The following CLSTN2 variants were observed in gnomAD, a reference collection of about 807,000 sequenced individuals.
CLSTN2 encodes the protein calsyntenin 2, also known as calsyntenin-2.
Under a neutral mutation model 101.2 loss-of-function variants are expected in CLSTN2, and 48 were observed. That is an observed-to-expected ratio of 0.47 (90% CI 0.38 to 0.60). The LOEUF (loss-of-function observed/expected upper bound fraction) is 0.60, where lower values mean the gene tolerates loss of function less well. CLSTN2 is among the 20% of genes least tolerant of loss of function. CLSTN2 has a pLI of 0.00. For missense variants in CLSTN2, 1,160 were observed against 1,238.2 expected (o/e 0.94, Z 0.95); for synonymous variants, 481 against 463.6 (o/e 1.04, Z -0.48).
chr3:140,211,858 C>G (rs2010860179), intron 2 of CLSTN2, among the ~76,000 whole-genome samples: 1 of 152,082 alleles, frequency 6.6e-6, no homozygotes, highest in Non-Finnish European at 1.5e-5. Flanking sequence ...TGCTTTTGGG[C>G]TTCCAAGGGC....
rs150241382 is a variant in CLSTN2, at chr3:140,210,950, A to G, written c.232+34877A>G. Among the ~76,000 whole-genome samples, 735 of 152,280 alleles carry G rather than the reference A, an allele frequency of 4.8e-3. 4 individuals carry two copies. The highest frequency in any genetic ancestry group is 0.016 in the African/African-American group (683 of 41,552). The stretch of plus-strand genomic sequence containing the variant: ...CGATTCATAGTTCCCCCTCTTCACC[A>G]GCAAGTATTCCATCAACAGTGCACA... On this transcript the variant is annotated intron_variant, in intron 2 of 16. Transcript: ENST00000458420.
intron 2 of CLSTN2, among the ~76,000 whole-genome samples, chr3:140,338,905 G>A (rs1451108817): frequency 1.3e-5 from 2 of 152,178 alleles, no homozygotes; most frequent in African/African-American, 2.4e-5. Context: ...TGTAGACACC[G>A]GGGTGGGCTT....
Position 140,484,061 on chromosome 3 carries a change from T to C in CLSTN2, c.1344+17330T>C, listed in dbSNP as rs1030861394. 7.2e-5 allele frequency among the ~76,000 whole-genome samples: 11 copies of C among 152,244 alleles called. No homozygotes were observed. The South Asian group carries it at 1.4e-3, about 20-fold the overall frequency. ...TGATGCATTTTCTTCCTAGCCTTGA[T>C]GGTCTTTACAATTTGGCATGTTTTT... is the stretch of plus-strand genomic sequence containing the variant. On this transcript the variant is annotated intron_variant, in intron 8 of 16. Transcript: ENST00000458420.
At chr3:140,533,807 T>C (rs1449110419) in intron 9 of CLSTN2, among the ~76,000 whole-genome samples, 1 of 148,820 alleles carries the variant, frequency 6.7e-6, no homozygotes, top group East Asian at 2.0e-4. Flanking sequence ...TTGGACAAAG[T>C]GAGTTATGGG....
chr3:140,471,959 G>A (rs1489685112), intron 8 of CLSTN2, among the ~76,000 whole-genome samples: 3 of 152,150 alleles, frequency 2.0e-5, no homozygotes, highest in Non-Finnish European at 2.9e-5. Flanking sequence ...GATTTAAAAA[G>A]CTACTATGTT....
At chr3:140,521,211 C>A (rs983493395) in intron 8 of CLSTN2, among the ~76,000 whole-genome samples, 3 of 152,152 alleles carry the variant, frequency 2.0e-5, no homozygotes, top group Non-Finnish European at 4.4e-5. Flanking sequence ...GGAGAGGAGG[C>A]ACTCTGACTT....
At chr3:140,397,126 G>C (rs760900242) in intron 2 of CLSTN2, among the ~76,000 whole-genome samples, 5 of 148,000 alleles carry the variant, frequency 3.4e-5, no homozygotes, top group Non-Finnish European at 7.5e-5. Flanking sequence ...TATATTTTTG[G>C]AAAAAAAAAC....
chr3:140,427,864 C>G (rs529433684), intron 5 of CLSTN2, among the ~76,000 whole-genome samples: 1 of 152,314 alleles, frequency 6.6e-6, no homozygotes, highest in East Asian at 1.9e-4. Flanking sequence ...GAGCACTATA[C>G]AGTGAACCCA....
At chr3:140,307,968 T>C (rs1197630540) in intron 2 of CLSTN2, among the ~76,000 whole-genome samples, 3 of 152,226 alleles carry the variant, frequency 2.0e-5, no homozygotes, top group Non-Finnish European at 4.4e-5. Flanking sequence ...TCTGTAGATA[T>C]AATCCTTACA....
intron 2 of CLSTN2, among the ~76,000 whole-genome samples, chr3:140,328,424 A>G (rs2087351221): frequency 6.6e-6 from 1 of 152,178 alleles, no homozygotes. Context: ...ATTGAATTGT[A>G]AAACATTTGG....
chr3:140,338,730 G>A (rs552990706), intron 2 of CLSTN2, among the ~76,000 whole-genome samples: 13 of 152,282 alleles, frequency 8.5e-5, no homozygotes, highest in East Asian at 7.7e-4. Context: ...CTTTTCCTGC[G>A]TGAGGCCTAG....
intron 1 of CLSTN2, among the ~76,000 whole-genome samples, chr3:140,143,764 G>C (rs1245187514): frequency 1.3e-5 from 2 of 152,142 alleles, no homozygotes; most frequent in Non-Finnish European, 2.9e-5. Flanking sequence ...ACCCTCCTTT[G>C]CCTGAAGTCT....
chr3:140,545,686 GA>G (rs1289702768), intron 9 of CLSTN2, among the ~76,000 whole-genome samples: 2 of 152,198 alleles, frequency 1.3e-5, no homozygotes, highest in Admixed American at 1.3e-4. Flanking sequence ...AAACCAGGGA[GA>G]AAAAAGGAGG....
intron 2 of CLSTN2, among the ~76,000 whole-genome samples, chr3:140,309,716 C>G (rs1219400772): frequency 6.6e-6 from 1 of 152,092 alleles, no homozygotes; most frequent in East Asian, 1.9e-4. Context: ...ACGTGCCCTA[C>G]CAGAAATTAT....
chr3:140,554,156 A>G (rs1325248930), intron 10 of CLSTN2, among the ~76,000 whole-genome samples: 3 of 152,172 alleles, frequency 2.0e-5, no homozygotes, highest in African/African-American at 7.2e-5. Context: ...GGGGACCAAA[A>G]TGAGAGAAGC....
chr3:140,484,641 T>A (rs901620321), intron 8 of CLSTN2, among the ~76,000 whole-genome samples: 1 of 152,226 alleles, frequency 6.6e-6, no homozygotes, highest in Non-Finnish European at 1.5e-5. Flanking sequence ...AGTCCCATAT[T>A]TCTTGGAGGC....
intron 9 of CLSTN2, among the ~76,000 whole-genome samples, 163 bp downstream of exon 9, chr3:140,532,649 A>T (rs1422035226): frequency 1.3e-5 from 2 of 152,246 alleles, no homozygotes; most frequent in African/African-American, 2.4e-5. Context: ...TAAATCTACA[A>T]ACTAAACGTA....
chr3:139,979,200 G>T (rs546690642), intron 1 of CLSTN2, among the ~76,000 whole-genome samples: 2 of 152,078 alleles, frequency 1.3e-5, no homozygotes, highest in South Asian at 2.1e-4. Flanking sequence ...GGTGACTGTG[G>T]GCCTCCGTGC....
At chr3:140,523,053 A>G (rs1197974995) in intron 8 of CLSTN2, among the ~76,000 whole-genome samples, 1 of 152,102 alleles carries the variant, frequency 6.6e-6, no homozygotes, top group Non-Finnish European at 1.5e-5. Flanking sequence ...TAAAGACTTC[A>G]AGGATGCATT....
Sources: allele counts gnomAD v4.1 joint callset (sites outside exome capture counted in the v4.1 genomes callset), GRCh38; gene constraint gnomAD v4.1.1; transcripts MANE v1.5; gene names NCBI Gene and HGNC (gene_info 2026-07-23, HGNC 2026-07-21).